Variants in TBR1 observed in about 807,000 individuals in gnomAD.
TBR1 encodes T-box brain protein 1.
TBR1 carries 7 observed loss-of-function variants against 60.3 expected under a neutral mutation model. That is an observed-to-expected ratio of 0.12 (90% CI 0.07 to 0.22). TBR1 has a LOEUF of 0.22. Ranked by LOEUF, TBR1 falls within the 10% of genes least tolerant of loss-of-function variation. The pLI is 1.00. For synonymous variants in TBR1, 417 were observed against 409.9 expected, an observed-to-expected ratio of 1.02 and a Z score of -0.21; for missense variants, 616 against 936.8, an observed-to-expected ratio of 0.66 and a Z score of 4.47.
chr2:161,418,655 C>A, intron 3 of TBR1: 3 of 579,666 alleles, frequency 5.2e-6, no homozygotes, highest in Non-Finnish European at 8.7e-6. Flanking sequence ...GAGGATCGGG[C>A]GGTCGGCTTC....
intron 5 of TBR1, chr2:161,421,026 G>C (rs975302176): frequency 3.3e-5 from 5 of 152,170 alleles, no homozygotes; most frequent in African/African-American, 1.2e-4. Context: ...TGTTCTCTGG[G>C]GCCAACAGTA....
At position 161,416,850 on chromosome 2, in the gene TBR1, C is replaced by T; in HGVS notation, c.440C>T (p.Ala147Val). The change falls in exon 1 of 6, where the codon GCC becomes GTC. Residue 147 changes from alanine (A) to valine (V), a missense_variant. Transcript: ENST00000389554. This position sits in a 1 kb window ranked among gnomAD's most constrained non-coding sequence, Gnocchi z 6.1. ...FSIGSPSRYM[A>V]HHPVITNGAY... ...ATCGGCAGCCCTAGCCGCTACATGG[C>T]CCACCACCCGGTCATCACCAACGGA... 6.2e-7 allele frequency: 1 copy of T among 1,614,052 alleles called. No homozygotes were observed. The highest frequency in any genetic ancestry group is 8.5e-7 in the Non-Finnish European group (1 of 1,179,998).
In TBR1 at chr2:161,420,878, C is replaced by T. The variant is rs191564854; in HGVS notation, c.1190+621C>T. On this transcript the variant is annotated intron_variant, in intron 5 of 5. Transcript: ENST00000389554. ...TTTTAGGCTTTCGGAAAGATTCAGACGGTGTTGCTGTGTATTATTTATAAG... is the reference window on the plus strand; with the variant it reads ...TTTTAGGCTTTCGGAAAGATTCAGATGGTGTTGCTGTGTATTATTTATAAG... 261 of 152,318 alleles carry T rather than the reference C, an allele frequency of 1.7e-3. 2 individuals carry two copies. The highest frequency in any genetic ancestry group is 3.2e-3 in the Non-Finnish European group (221 of 68,060). 9.4% of individuals were successfully genotyped at this position (152,318 alleles called of 1,614,324 possible).
In TBR1 at chr2:161,423,918, C is replaced by A. The variant is rs1298729992; in HGVS notation, c.1740C>A (p.Pro580=). 3 of 1,526,016 alleles carry A rather than the reference C, an allele frequency of 2.0e-6. No individual in the cohort carries two copies. Among genetic ancestry groups the A allele is most frequent in the South Asian group, 1.2e-5 (1 of 80,470 alleles). 94.5% of individuals were successfully genotyped at this position (1,526,016 alleles called of 1,614,324 possible). The change falls in exon 6 of 6, where the codon CCC becomes CCA. Residue 580 remains proline, a synonymous_variant. Coordinates refer to ENST00000389554, the MANE Select transcript of TBR1 (RefSeq NM_006593.4). The part of the protein sequence containing the change: ...AAAARMAGAN[P]YLGEEAEGLA... ...CCGCGCGCATGGCCGGCGCCAATCC[C>A]TACCTGGGCGAGGAGGCCGAGGGCC...
chr2:161,424,426 C>T lies in TBR1; in HGVS notation c.*199C>T, dbSNP rs967637206. The T allele has an allele frequency of 6.6e-6, 4 of 604,018 alleles. No homozygotes were observed. In the African/African-American group the frequency reaches 7.4e-5, roughly 11 times the overall value. 37.4% of individuals were successfully genotyped at this position (604,018 alleles called of 1,614,324 possible). Reference sequence around the variant, plus strand: ...TTTGCACAGCAGTCTCTGCAATTAGCTCACCGACCTTCAACTTTGCTGTAA... The same window carrying T: ...TTTGCACAGCAGTCTCTGCAATTAGTTCACCGACCTTCAACTTTGCTGTAA... On this transcript the variant is annotated 3_prime_UTR_variant, in exon 6 of 6. Coordinates refer to ENST00000389554, the MANE Select transcript of TBR1 (RefSeq NM_006593.4). This position sits in a 1 kb window ranked among gnomAD's most constrained non-coding sequence, Gnocchi z 4.4.
At position 161,424,116 on chromosome 2, in the gene TBR1, C is replaced by T. The variant is rs767327232; in HGVS notation, c.1938C>T (p.Pro646=). 10 of 1,612,496 alleles carry T rather than the reference C, an allele frequency of 6.2e-6. No homozygotes were observed. Among genetic ancestry groups the T allele is most frequent in the Middle Eastern group, 1.7e-4 (1 of 6,060 alleles). Residue 646 remains proline, a synonymous_variant, in exon 6 of 6, where the codon CCC becomes CCT. Transcript: ENST00000389554. This position sits in a 1 kb window ranked among gnomAD's most constrained non-coding sequence, Gnocchi z 4.4. ...GGCGGATCTCGCCGGCCGACACGCC[C>T]GTGTCCGAGAGTTCGTCCCCGCTCA... ...KRRRISPADT[P]VSESSSPLKS...
intron 4 of TBR1, 85 bp downstream of exon 4, chr2:161,419,135 G>C (rs893818545): frequency 2.5e-6 from 4 of 1,597,936 alleles, no homozygotes; most frequent in Non-Finnish European, 1.7e-6. Flanking sequence ...TGCAAGGCTA[G>C]GGTACTAGCA....
rs955254298 is a variant in TBR1 at position 161,425,611 on chromosome 2, A to G, written c.*1384A>G. 6.6e-6 allele frequency: 1 copy of G among 152,226 alleles called. No individual in the cohort carries two copies. The highest frequency in any genetic ancestry group is 1.5e-5 in the Non-Finnish European group (1 of 68,038). The allele number at this position is 152,226 out of a possible 1,614,324, so 9.4% of individuals were successfully genotyped here. A position where few individuals can be genotyped will look rare whatever the true frequency, so the allele number is the denominator to read the frequency against. On this transcript the variant is annotated 3_prime_UTR_variant, in exon 6 of 6. Transcript: ENST00000389554. ...TATACTTTTTTGTATTTAAAAATTA[A>G]TGTGAAATATGCATCATACACAATA... is the stretch of plus-strand genomic sequence containing the variant.
At chr2:161,418,024 C>T (rs567701247) in intron 2 of TBR1, 177 bp from the exon 3 acceptor site, 34 of 1,454,026 alleles carry the variant, frequency 2.3e-5, no homozygotes, top group South Asian at 2.3e-4. Flanking sequence ...TAATCACCCC[C>T]AGTTAATAGG....
chr2:161,424,272 C>G lies in TBR1; in HGVS notation c.*45C>G. 3 of 1,493,888 alleles carry G rather than the reference C, an allele frequency of 2.0e-6. No homozygotes were observed. Among genetic ancestry groups the G allele is most frequent in the Non-Finnish European group, 2.7e-6 (3 of 1,113,252 alleles). The allele number at this position is 1,493,888 out of a possible 1,614,324, so 92.5% of individuals were successfully genotyped here. On this transcript the variant is annotated 3_prime_UTR_variant, in exon 6 of 6. Coordinates refer to ENST00000389554, the MANE Select transcript of TBR1 (RefSeq NM_006593.4). This position sits in a 1 kb window ranked among gnomAD's most constrained non-coding sequence, Gnocchi z 4.4. ...CCCCGCCGCGGCCCGGACCCCCAGC[C>G]AGCCCCTCACAGCTCTTCCCCAGCT... is the stretch of plus-strand genomic sequence containing the variant.
In TBR1 at chr2:161,416,775, C is replaced by A; in HGVS notation, c.365C>A (p.Ala122Asp). 12 of 1,614,170 alleles carry A rather than the reference C, an allele frequency of 7.4e-6. No individual in the cohort carries two copies. The highest frequency in any genetic ancestry group is 1.0e-5 in the Non-Finnish European group (12 of 1,180,038). ...CAGTCTGCGGCCACTGCTCCCAGTG[C>A]CATGTTCCCGTACCCCGGCCAGCAC... is the stretch of plus-strand genomic sequence containing the variant. ...QPQSAATAPS[A>D]MFPYPGQHGP... is the part of the protein sequence containing the mutation. The change falls in exon 1 of 6, where the codon GCC becomes GAC. Residue 122 changes from alanine to aspartate, a missense_variant. Ala to Asp is a moderately radical substitution (Grantham distance 126). This residue lies in a region of TBR1 where 211 missense variants were observed against 268.7 expected (regional missense o/e 0.79). Coordinates refer to ENST00000389554, the MANE Select transcript of TBR1 (RefSeq NM_006593.4). This position sits in a 1 kb window ranked among gnomAD's most constrained non-coding sequence, Gnocchi z 6.1.
rs1427719883 is a variant in TBR1, at chr2:161,417,738, T to C, written c.755T>C (p.Ile252Thr). Reference protein sequence around the residue: ...SGLDPTAHYNIFVDVILADPN... With the variant: ...SGLDPTAHYNTFVDVILADPN... ...CTCGATCCCACGGCTCATTACAATA[T>C]TTTTGTGGATGTGATTTTGGCGGAT... The change falls in exon 2 of 6, where the codon ATT (isoleucine) becomes ACT (threonine). Residue 252 changes from isoleucine (I) to threonine (T), a missense_variant. Ile to Thr is a moderately conservative substitution (Grantham distance 89, BLOSUM62 -1). Coordinates refer to ENST00000389554, the MANE Select transcript of TBR1 (RefSeq NM_006593.4). The surrounding 1 kb of genome is among the most constrained non-coding windows in gnomAD (Gnocchi z 5.3). 6.2e-7 allele frequency: 1 copy of C among 1,614,044 alleles called. No homozygotes were observed. The highest frequency in any genetic ancestry group is 2.2e-5 in the East Asian group (1 of 44,894).
chr2:161,425,357 T>C lies in TBR1; in HGVS notation c.*1130T>C, dbSNP rs1184102147. On this transcript the variant is annotated 3_prime_UTR_variant, in exon 6 of 6. Coordinates refer to ENST00000389554, the MANE Select transcript of TBR1 (RefSeq NM_006593.4). Reference sequence around the variant, plus strand: ...TAGATGACTGAATTGTTGGTAACTATAGTGTAGTCTAGTGAAGATGAATTG... The same window carrying C: ...TAGATGACTGAATTGTTGGTAACTACAGTGTAGTCTAGTGAAGATGAATTG... 1 of 152,208 alleles carries C rather than the reference T, an allele frequency of 6.6e-6. No homozygotes were observed. The highest frequency in any genetic ancestry group is 2.4e-5 in the African/African-American group (1 of 41,454). 9.4% of individuals were successfully genotyped at this position (152,208 alleles called of 1,614,324 possible).
Position 161,425,834 on chromosome 2 carries a change from T to C in TBR1, c.*1607T>C, listed in dbSNP as rs1224177117. The C allele has an allele frequency of 3.3e-5, 5 of 152,250 alleles. No homozygotes were observed. Among genetic ancestry groups the C allele is most frequent in the Admixed American group, 3.3e-4 (5 of 15,290 alleles). 9.4% of individuals were successfully genotyped at this position (152,250 alleles called of 1,614,324 possible). On this transcript the variant is annotated 3_prime_UTR_variant, in exon 6 of 6. Coordinates refer to ENST00000389554, the MANE Select transcript of TBR1 (RefSeq NM_006593.4). The stretch of plus-strand genomic sequence containing the variant: ...GTTTTTTGCTCGTTTGTATCGTCTG[T>C]GTATAACAAGTAAAATAAACCTGGT...
intron 3 of TBR1, chr2:161,418,673 T>C (rs939773234): frequency 7.6e-5 from 49 of 644,818 alleles, no homozygotes; most frequent in Non-Finnish European, 1.1e-4. Context: ...TTCCCCCTTT[T>C]TTCCGGTGCC....
At chr2:161,419,940 A>G (rs1170576095) in intron 4 of TBR1, 1 of 257,672 alleles carries the variant, frequency 3.9e-6, no homozygotes. Flanking sequence ...ACAAATTTAG[A>G]AAACACAGGA....
intron 4 of TBR1, chr2:161,419,588 A>C (rs1350481652): frequency 6.5e-6 from 1 of 153,480 alleles, no homozygotes; most frequent in Non-Finnish European, 1.4e-5. Flanking sequence ...ACTGAGGGCT[A>C]TGGATTGAGC....
chr2:161,423,057 C>G (rs1476867134), intron 5 of TBR1: 2 of 288,860 alleles, frequency 6.9e-6, no homozygotes, highest in African/African-American at 4.3e-5. Flanking sequence ...GCTTGTGCCC[C>G]TCTCTCAGTA....
chr2:161,420,418 CTTTTTTTTTTTT>C (rs67826360), intron 5 of TBR1, 161 bp downstream of exon 5: 10 of 95,422 alleles, frequency 1.0e-4, no homozygotes, highest in East Asian at 7.3e-4. Context: ...TCTTCCTCTT[CTTTTTTTTTTTT>C]TTTTTTTTTT....
Sources: allele counts gnomAD v4.1 joint callset, GRCh38; gene constraint gnomAD v4.1.1; regional missense constraint gnomAD v4.1.1; non-coding constraint Gnocchi (gnomAD v3.1); transcripts MANE v1.5; gene names NCBI Gene and HGNC (gene_info 2026-07-23, HGNC 2026-07-21).